COLGALT2: variants seen among roughly 807,000 people sequenced by gnomAD.
COLGALT2 encodes the protein collagen beta(1-O)galactosyltransferase 2, also known as procollagen galactosyltransferase 2.
In COLGALT2, 49 loss-of-function variants were observed where a neutral mutation model predicts 73.4. That is an observed-to-expected ratio of 0.67 (90% CI 0.53 to 0.85). The LOEUF (loss-of-function observed/expected upper bound fraction) is 0.85. Ranked by LOEUF, COLGALT2 falls within the 40% of genes least tolerant of loss-of-function variation. The pLI is 0.00. For synonymous variants in COLGALT2, 295 were observed against 307.6 expected (o/e 0.96, Z 0.43); for missense variants, 722 against 790.2 (o/e 0.91, Z 1.03).
chr1:184,012,013 T>C (rs1246477946), intron 1 of COLGALT2, among the ~76,000 whole-genome samples: 1 of 152,234 alleles, frequency 6.6e-6, no homozygotes, highest in Non-Finnish European at 1.5e-5. Context: ...GATTTTTCTT[T>C]GTCCTTTCTC....
intron 10 of COLGALT2, 102 bp downstream of exon 10, chr1:183,944,094 T>G (rs2102790337): frequency 7.6e-7 from 1 of 1,321,680 alleles, no homozygotes; most frequent in East Asian, 2.6e-5. Context: ...AAGTGGAAGC[T>G]TAAGCTGTAT....
intron 1 of COLGALT2, among the ~76,000 whole-genome samples, chr1:183,981,644 G>A (rs955587217): frequency 6.6e-6 from 1 of 152,176 alleles, no homozygotes; most frequent in Non-Finnish European, 1.5e-5. Flanking sequence ...GTGATAGAGC[G>A]AGATGCTCTC....
intron 10 of COLGALT2, among the ~76,000 whole-genome samples, chr1:183,943,340 T>G (rs997792998): frequency 6.6e-6 from 1 of 152,156 alleles, no homozygotes; most frequent in South Asian, 2.1e-4. Context: ...AGTTGATGAA[T>G]TGCCTTTGAC....
intron 1 of COLGALT2, among the ~76,000 whole-genome samples, chr1:183,998,606 G>T (rs1229035027): frequency 6.6e-6 from 1 of 152,104 alleles, no homozygotes; most frequent in Non-Finnish European, 1.5e-5. Flanking sequence ...ATCTCAGAGT[G>T]CATGAACAAT....
chr1:184,012,162 T>G (rs1648823392), intron 1 of COLGALT2, among the ~76,000 whole-genome samples: 1 of 152,236 alleles, frequency 6.6e-6, no homozygotes, highest in African/African-American at 2.4e-5. Flanking sequence ...GCATTTCTGC[T>G]GCCTCCTTCT....
intron 8 of COLGALT2, among the ~76,000 whole-genome samples, chr1:183,947,592 C>T (rs1670285129): frequency 2.0e-5 from 3 of 152,292 alleles, no homozygotes; most frequent in Non-Finnish European, 4.4e-5. Flanking sequence ...ATGCGATACA[C>T]TTAACATAGT....
At chr1:183,963,708 T>A (rs1206521161) in intron 6 of COLGALT2, among the ~76,000 whole-genome samples, 193 bp downstream of exon 6, 1 of 152,218 alleles carries the variant, frequency 6.6e-6, no homozygotes, top group Non-Finnish European at 1.5e-5. Context: ...AGCTCCCACA[T>A]GGCAAAGACC....
chr1:184,017,439 C>G (rs896262749), intron 1 of COLGALT2, among the ~76,000 whole-genome samples: 1 of 152,120 alleles, frequency 6.6e-6, no homozygotes, highest in Non-Finnish European at 1.5e-5. Flanking sequence ...ACCAGCCAGA[C>G]GGCAGAGCCT....
At position 184,037,380 on chromosome 1, in the gene COLGALT2, G is replaced by A. The variant is rs1303076856; in HGVS notation, c.-23C>T. On this transcript the variant is annotated 5_prime_UTR_variant, in exon 1 of 12. Coordinates refer to ENST00000361927, the MANE Select transcript of COLGALT2 (RefSeq NM_015101.4). ...CATGTTCCGGGCCGAGGCGGGCGGCGGGGAAGTCCTGGCGCGAGCGCCCGG... is the reference window on the plus strand; with the variant it reads ...CATGTTCCGGGCCGAGGCGGGCGGCAGGGAAGTCCTGGCGCGAGCGCCCGG... 2.9e-6 allele frequency: 4 copies of A among 1,389,720 alleles called. No individual in the cohort carries two copies. Among genetic ancestry groups the A allele is most frequent in the Non-Finnish European group, 2.8e-6 (3 of 1,071,636 alleles). The allele number at this position is 1,389,720 out of a possible 1,614,324, so 86.1% of individuals were successfully genotyped here.
rs375092421 is a variant in COLGALT2 at position 183,936,728 on chromosome 1, C to T, written c.*2033G>A. On this transcript the variant is annotated 3_prime_UTR_variant, in exon 12 of 12. Coordinates refer to ENST00000361927, the MANE Select transcript of COLGALT2 (RefSeq NM_015101.4). ...GGAATTTTCACTCGCTCCCCAGATG[C>T]TCTTTCTGTTTTTCTGGGGGTGGGT... 1.1e-4 allele frequency: 132 copies of T among 1,230,534 alleles called. 2 individuals are homozygous for T. In the East Asian group the frequency reaches 3.6e-3, roughly 33 times the overall value. 76.2% of individuals were successfully genotyped at this position (1,230,534 alleles called of 1,614,324 possible). A position where few individuals can be genotyped will look rare whatever the true frequency, so the allele number is the denominator to read the frequency against.
At position 183,938,221 on chromosome 1, in the gene COLGALT2, T is replaced by C; in HGVS notation, c.*540A>G. The stretch of plus-strand genomic sequence containing the variant: ...GATTTTTTTTTTTTAAAAAATCTAC[T>C]TTTCAATAAGACTTGTGACAGAATC... On this transcript the variant is annotated 3_prime_UTR_variant, in exon 12 of 12. Coordinates refer to ENST00000361927, the MANE Select transcript of COLGALT2 (RefSeq NM_015101.4). 1 of 893,496 alleles carries C rather than the reference T, an allele frequency of 1.1e-6. No individual in the cohort carries two copies. The highest frequency in any genetic ancestry group is 1.9e-5 in the African/African-American group (1 of 53,516). 55.3% of individuals were successfully genotyped at this position (893,496 alleles called of 1,614,324 possible). A position where few individuals can be genotyped will look rare whatever the true frequency, so the allele number is the denominator to read the frequency against.
At chr1:184,009,797 A>T (rs972910797) in intron 1 of COLGALT2, among the ~76,000 whole-genome samples, 2 of 152,222 alleles carry the variant, frequency 1.3e-5, no homozygotes, top group Admixed American at 1.3e-4. Context: ...ATGGTATTTT[A>T]AAAATCTGAC....
intron 5 of COLGALT2, 35 bp downstream of exon 5, chr1:183,969,234 T>G: frequency 6.5e-7 from 1 of 1,543,998 alleles, no homozygotes; most frequent in Non-Finnish European, 8.8e-7. Flanking sequence ...TTGCTGTGTC[T>G]CCATTGTGGC....
In COLGALT2 at chr1:183,945,381, C is replaced by G. The variant is rs371426497; in HGVS notation, c.1269+51G>C. 91 of 1,596,924 alleles carry G rather than the reference C, an allele frequency of 5.7e-5. No individual in the cohort carries two copies. In the African/African-American group the frequency reaches 1.2e-3, roughly 20 times the overall value. On this transcript the variant is annotated intron_variant, in intron 9 of 11. Coordinates refer to ENST00000361927, the MANE Select transcript of COLGALT2 (RefSeq NM_015101.4). ...GCCCTAACTCACCTACGATAGCCTGCTTTCCTTTCTCCTCATCATAAAACT... is the reference window on the plus strand; with the variant it reads ...GCCCTAACTCACCTACGATAGCCTGGTTTCCTTTCTCCTCATCATAAAACT...
chr1:183,971,421 G>A (rs924099765), intron 4 of COLGALT2, among the ~76,000 whole-genome samples: 1 of 152,154 alleles, frequency 6.6e-6, no homozygotes, highest in African/African-American at 2.4e-5. Context: ...AAGCCTGAAA[G>A]TAAATAAGGA....
At chr1:183,979,377 C>T (rs1671289072) in intron 1 of COLGALT2, among the ~76,000 whole-genome samples, 1 of 151,834 alleles carries the variant, frequency 6.6e-6, no homozygotes, top group Non-Finnish European at 1.5e-5. Context: ...GAATTCAGGC[C>T]AAAGAGTATT....
intron 1 of COLGALT2, among the ~76,000 whole-genome samples, chr1:183,998,188 A>AT (rs1308993193): frequency 1.3e-5 from 2 of 152,158 alleles, no homozygotes; most frequent in African/African-American, 4.8e-5. Flanking sequence ...AGATTTTAAA[A>AT]TTTTTGCCAA....
chr1:184,005,932 G>A (rs944449046), intron 1 of COLGALT2, among the ~76,000 whole-genome samples: 1 of 152,116 alleles, frequency 6.6e-6, no homozygotes, highest in East Asian at 1.9e-4. Context: ...TAGAAACTTG[G>A]GAAGGGTTTT....
intron 1 of COLGALT2, among the ~76,000 whole-genome samples, chr1:183,993,008 G>A (rs944730763): frequency 3.9e-5 from 6 of 152,088 alleles, no homozygotes; most frequent in Admixed American, 1.3e-4. Context: ...GACAGTGCCT[G>A]GCATCAGCAC....
Sources: allele counts gnomAD v4.1 joint callset (sites outside exome capture counted in the v4.1 genomes callset), GRCh38; gene constraint gnomAD v4.1.1; transcripts MANE v1.5; gene names NCBI Gene and HGNC (gene_info 2026-07-23, HGNC 2026-07-21).